Variants in PTPRD observed in about 807,000 individuals in gnomAD.
PTPRD encodes protein tyrosine phosphatase receptor type D, also known as receptor-type tyrosine-protein phosphatase delta.
In PTPRD, 34 loss-of-function variants were observed where a neutral mutation model predicts 214.5. That is an observed-to-expected ratio of 0.16 (90% CI 0.12 to 0.21). The LOEUF (loss-of-function observed/expected upper bound fraction) is 0.21, where lower values mean the gene tolerates loss of function less well. PTPRD is among the 10% of genes least tolerant of loss of function. The probability of loss-of-function intolerance (pLI) is 1.00; values close to 1 mark genes in which losing one functional copy is unlikely to be tolerated. For synonymous variants in PTPRD, 1,128 were observed against 845.7 expected, an observed-to-expected ratio of 1.33 and a Z score of -5.79; for missense variants, 2,545 against 2,398.7, an observed-to-expected ratio of 1.06 and a Z score of -1.27.
Position 9,717,619 on chromosome 9 carries a change from T to C in PTPRD, c.-287+16914A>G, listed in dbSNP as rs992106125. Among the ~76,000 whole-genome samples the C allele has an allele frequency of 1.3e-5, 2 of 152,190 alleles. 1 individual carries two copies. The highest frequency in any genetic ancestry group is 4.1e-4 in the South Asian group (2 of 4,836). Reference sequence around the variant, plus strand: ...TGGAAGGAATGATTCAAAACAAAGATGTCTTATGATTTCAGGGGAATATTT... The same window carrying C: ...TGGAAGGAATGATTCAAAACAAAGACGTCTTATGATTTCAGGGGAATATTT... On this transcript the variant is annotated intron_variant, in intron 7 of 45. Transcript: ENST00000381196.
chr9:10,186,440 T>C (rs1593483711), intron 3 of PTPRD, among the ~76,000 whole-genome samples: 1 of 152,272 alleles, frequency 6.6e-6, no homozygotes, highest in East Asian at 1.9e-4. Flanking sequence ...TTTTATCACA[T>C]TAATGCAACA....
intron 8 of PTPRD, among the ~76,000 whole-genome samples, chr9:9,493,022 C>T (rs1569568782): frequency 6.7e-6 from 1 of 148,416 alleles, no homozygotes; most frequent in Non-Finnish European, 1.5e-5. Flanking sequence ...CATCACTCTC[C>T]CTCTCCTCAG....
At chr9:8,508,300 G>A (rs1384769350) in intron 21 of PTPRD, among the ~76,000 whole-genome samples, 3 of 152,114 alleles carry the variant, frequency 2.0e-5, no homozygotes, top group African/African-American at 7.2e-5. Flanking sequence ...TTACTCAAAT[G>A]AACTAGAATA....
At chr9:9,329,387 A>G (rs2041446397) in intron 9 of PTPRD, among the ~76,000 whole-genome samples, 1 of 152,164 alleles carries the variant, frequency 6.6e-6, no homozygotes. Flanking sequence ...CAACTTTATT[A>G]ATGCTTAAAG....
intron 9 of PTPRD, among the ~76,000 whole-genome samples, chr9:9,185,247 G>A (rs1346540211): frequency 1.3e-5 from 2 of 152,034 alleles, no homozygotes; most frequent in Non-Finnish European, 2.9e-5. Context: ...ATATTACAAT[G>A]AAACAGCTTT....
chr9:9,131,409 C>T (rs1342994634), intron 10 of PTPRD, among the ~76,000 whole-genome samples: 2 of 152,098 alleles, frequency 1.3e-5, no homozygotes, highest in Admixed American at 6.5e-5. Flanking sequence ...AATCAGCTAA[C>T]AGATATGTCA....
intron 12 of PTPRD, among the ~76,000 whole-genome samples, chr9:8,687,786 T>C (rs530848386): frequency 1.3e-5 from 2 of 152,280 alleles, no homozygotes; most frequent in South Asian, 4.1e-4. Flanking sequence ...AGAGTAAGTT[T>C]CACATTTTAT....
intron 11 of PTPRD, among the ~76,000 whole-genome samples, chr9:8,964,413 T>C (rs2099178483): frequency 6.6e-6 from 1 of 151,782 alleles, no homozygotes; most frequent in African/African-American, 2.4e-5. Context: ...GTCACTGTTG[T>C]TGTTTCTGAT....
chr9:10,129,499 CTTTT>C (rs35281382), intron 3 of PTPRD, among the ~76,000 whole-genome samples: 22 of 125,814 alleles, frequency 1.7e-4, no homozygotes, highest in Middle Eastern at 4.1e-3. Context: ...TTTTTCTTTC[CTTTT>C]TTTTTTTTTT....
intron 2 of PTPRD, among the ~76,000 whole-genome samples, chr9:10,410,308 A>G (rs1393022514): frequency 7.2e-6 from 1 of 138,618 alleles, no homozygotes; most frequent in Non-Finnish European, 1.6e-5. Context: ...TATAATATAT[A>G]TATAAAACAT....
chr9:9,224,523 T>G (rs1366607224), intron 9 of PTPRD, among the ~76,000 whole-genome samples: 2 of 152,010 alleles, frequency 1.3e-5, no homozygotes, highest in African/African-American at 2.4e-5. Flanking sequence ...AAAATATCTC[T>G]GCTCTAGTTT....
intron 11 of PTPRD, chr9:8,860,102 T>C (rs552894808): frequency 6.6e-6 from 1 of 152,326 alleles, no homozygotes; most frequent in African/African-American, 2.4e-5. Flanking sequence ...CCCCATAAAC[T>C]GGCAATCCCA....
At chr9:8,686,805 A>G (rs1369861845) in intron 12 of PTPRD, among the ~76,000 whole-genome samples, 1 of 152,220 alleles carries the variant, frequency 6.6e-6, no homozygotes, top group African/African-American at 2.4e-5. Context: ...GTTTTGACGC[A>G]TTTAAAGCTA....
rs1158310191 is a variant in PTPRD, at chr9:9,321,737, C to CTCTA, written c.-203+75708_-203+75711dup. 1.2e-4 allele frequency among the ~76,000 whole-genome samples: 19 copies of CTCTA among 152,188 alleles called. 2 individuals are homozygous for CTCTA. Among genetic ancestry groups the CTCTA allele is most frequent in the African/African-American group, 4.6e-4 (19 of 41,506 alleles). On this transcript the variant is annotated intron_variant, in intron 9 of 45. Transcript: ENST00000381196. Reference sequence around the variant, plus strand: ...TAACATTAGCAAAGTTATTTATTTTCTCTATCTTGATTTCTACATTTGTAG... The same window carrying CTCTA: ...TAACATTAGCAAAGTTATTTATTTTCTCTATCTATCTTGATTTCTACATTTGTAG...
At chr9:8,670,019 CTT>C (rs200868702) in intron 12 of PTPRD, among the ~76,000 whole-genome samples, 6 of 142,260 alleles carry the variant, frequency 4.2e-5, no homozygotes, top group Non-Finnish European at 1.5e-5. Flanking sequence ...TTTTCTGCCT[CTT>C]TTTTTTTTTT....
At chr9:9,770,508 C>G (rs1478162444) in intron 5 of PTPRD, among the ~76,000 whole-genome samples, 1 of 152,104 alleles carries the variant, frequency 6.6e-6, no homozygotes, top group Non-Finnish European at 1.5e-5. Context: ...TGAAATAAAA[C>G]TAATCCTTGA....
intron 8 of PTPRD, among the ~76,000 whole-genome samples, chr9:9,415,463 G>C (rs1054217958): frequency 6.6e-6 from 1 of 152,062 alleles, no homozygotes; most frequent in Non-Finnish European, 1.5e-5. Context: ...GACAGAGCAA[G>C]ACCCTGTCTC....
At chr9:9,727,066 A>C (rs2098108126) in intron 7 of PTPRD, among the ~76,000 whole-genome samples, 1 of 152,184 alleles carries the variant, frequency 6.6e-6, no homozygotes, top group African/African-American at 2.4e-5. Flanking sequence ...GGAGGCAAGA[A>C]ATCATACAGC....
intron 2 of PTPRD, among the ~76,000 whole-genome samples, chr9:10,446,409 A>ATT (rs1173941966): frequency 1.0e-5 from 1 of 98,682 alleles, no homozygotes; most frequent in African/African-American, 4.0e-5. Context: ...TATTAAAACT[A>ATT]TTTTTTTCTT....
Sources: allele counts gnomAD v4.1 joint callset (sites outside exome capture counted in the v4.1 genomes callset), GRCh38; gene constraint gnomAD v4.1.1; transcripts MANE v1.5; gene names NCBI Gene and HGNC (gene_info 2026-07-23, HGNC 2026-07-21).